Variants in NEGR1 observed in about 807,000 individuals in gnomAD.
The protein encoded by NEGR1 is neuronal growth regulator 1.
In NEGR1, 10 loss-of-function variants were observed where a neutral mutation model predicts 40.9. The observed-to-expected ratio is 0.24, with a 90% confidence interval of 0.15 to 0.42. The LOEUF is 0.42. NEGR1 is among the 10% of genes least tolerant of loss of function. The probability of loss-of-function intolerance (pLI) is 1.00; values close to 1 mark genes in which losing one functional copy is unlikely to be tolerated. For synonymous variants in NEGR1, 185 were observed against 166.8 expected (o/e 1.11, Z -0.84); for missense variants, 352 against 438.9 (o/e 0.80, Z 1.77).
intron 1 of NEGR1, among the ~76,000 whole-genome samples, chr1:71,987,671 T>G (rs1026331907): frequency 6.6e-6 from 1 of 152,176 alleles, no homozygotes; most frequent in African/African-American, 2.4e-5. Context: ...CAGCTACCAT[T>G]CAGCAGTAGG....
intron 6 of NEGR1, among the ~76,000 whole-genome samples, chr1:71,572,841 G>C (rs1648849343): frequency 6.6e-6 from 1 of 152,096 alleles, no homozygotes; most frequent in African/African-American, 2.4e-5. Context: ...CCTCCTTAAA[G>C]GGACCCTAGA....
At chr1:71,702,278 C>A (rs2101633146) in intron 3 of NEGR1, among the ~76,000 whole-genome samples, 1 of 152,100 alleles carries the variant, frequency 6.6e-6, no homozygotes, top group South Asian at 2.1e-4. Context: ...AAGATTGTTT[C>A]CCTTTCAAAG....
intron 6 of NEGR1, among the ~76,000 whole-genome samples, chr1:71,456,089 A>G (rs540325590): frequency 8.9e-4 from 136 of 152,206 alleles, no homozygotes; most frequent in Non-Finnish European, 1.3e-3. Context: ...CTATAGTTAA[A>G]TTAGATGACT....
chr1:72,096,198 G>C (rs1354805230), intron 1 of NEGR1, among the ~76,000 whole-genome samples: 1 of 151,992 alleles, frequency 6.6e-6, no homozygotes, highest in Non-Finnish European at 1.5e-5. Flanking sequence ...AGGTGAACAT[G>C]AACTTCATGT....
intron 2 of NEGR1, among the ~76,000 whole-genome samples, chr1:71,850,624 T>A (rs763030258): frequency 6.6e-6 from 1 of 152,214 alleles, no homozygotes; most frequent in Non-Finnish European, 1.5e-5. Flanking sequence ...GGCAGAATGA[T>A]GAGAAATTAT....
chr1:72,106,695 CCAT>C (rs1649146303), intron 1 of NEGR1, among the ~76,000 whole-genome samples: 1 of 151,788 alleles, frequency 6.6e-6, no homozygotes, highest in African/African-American at 2.4e-5. Context: ...AATAAGAAGT[CCAT>C]CAAACATTTC....
At chr1:72,278,137 GAGTATCAT>G (rs1298316742) in intron 1 of NEGR1, among the ~76,000 whole-genome samples, 4 of 152,122 alleles carry the variant, frequency 2.6e-5, no homozygotes, top group African/African-American at 4.8e-5. Flanking sequence ...TTCCGTATTA[GAGTATCAT>G]AGTAGGATAT....
chr1:72,079,277 A>AAACAACT (rs1647884428), intron 1 of NEGR1, among the ~76,000 whole-genome samples: 4 of 151,888 alleles, frequency 2.6e-5, no homozygotes, highest in Non-Finnish European at 5.9e-5. Context: ...GTTGCTTAAT[A>AAACAACT]ATCAGATCTA....
intron 2 of NEGR1, among the ~76,000 whole-genome samples, chr1:71,898,661 G>GC (rs1557692488): frequency 7.7e-6 from 1 of 130,386 alleles, no homozygotes; most frequent in East Asian, 2.0e-4. Flanking sequence ...AAACTGCTTT[G>GC]TTTTTTTTTC....
chr1:72,281,377 ACAGCATGGAAGTGC>A (rs1256308081), intron 1 of NEGR1, among the ~76,000 whole-genome samples: 5 of 152,178 alleles, frequency 3.3e-5, no homozygotes, highest in Admixed American at 6.5e-5. Context: ...AGTGGTTCTT[ACAGCATGGAAGTGC>A]CAGTGCATGT....
intron 6 of NEGR1, among the ~76,000 whole-genome samples, chr1:71,587,644 G>GTA (rs1294821237): frequency 1.0e-5 from 1 of 96,732 alleles, no homozygotes; most frequent in African/African-American, 3.9e-5. Flanking sequence ...GCATACACGA[G>GTA]TACACACACA....
At chr1:71,706,479 C>A (rs943638513) in intron 3 of NEGR1, among the ~76,000 whole-genome samples, 2 of 146,122 alleles carry the variant, frequency 1.4e-5, no homozygotes, top group Non-Finnish European at 3.0e-5. Flanking sequence ...GGGAGGCACA[C>A]AATATACTGA....
intron 2 of NEGR1, among the ~76,000 whole-genome samples, chr1:71,836,761 C>A (rs1659047729): frequency 1.3e-5 from 2 of 152,048 alleles, no homozygotes; most frequent in Non-Finnish European, 2.9e-5. Context: ...CAAAACCTAA[C>A]CATGATTCCT....
At chr1:71,872,722 C>A (rs949426430) in intron 2 of NEGR1, among the ~76,000 whole-genome samples, 1 of 152,166 alleles carries the variant, frequency 6.6e-6, no homozygotes, top group African/African-American at 2.4e-5. Flanking sequence ...AGGTTGGATT[C>A]ATTTCAAATT....
chr1:71,941,499 C>A (rs1570533573), intron 1 of NEGR1, among the ~76,000 whole-genome samples: 1 of 152,048 alleles, frequency 6.6e-6, no homozygotes, highest in Non-Finnish European at 1.5e-5. Flanking sequence ...TTCTCTTTTA[C>A]AACTACTCAG....
chr1:71,903,753 T>C (rs1661202538), intron 2 of NEGR1, among the ~76,000 whole-genome samples: 1 of 151,728 alleles, frequency 6.6e-6, no homozygotes, highest in South Asian at 2.1e-4. Context: ...ACATCCCTAA[T>C]ACATAGCCCT....
intron 6 of NEGR1, among the ~76,000 whole-genome samples, chr1:71,544,523 G>C (rs1326751438): frequency 6.6e-6 from 1 of 151,718 alleles, no homozygotes; most frequent in African/African-American, 2.4e-5. Flanking sequence ...CTTGCCTCAT[G>C]AGGTGATTGT....
intron 3 of NEGR1, among the ~76,000 whole-genome samples, chr1:71,769,676 G>A (rs1656248317): frequency 6.6e-6 from 1 of 152,114 alleles, no homozygotes; most frequent in Non-Finnish European, 1.5e-5. Context: ...TAAGTTTCCT[G>A]AGGCCTCCCC....
At chr1:71,602,804 C>A (rs1649967319) in intron 5 of NEGR1, among the ~76,000 whole-genome samples, 1 of 152,116 alleles carries the variant, frequency 6.6e-6, no homozygotes, top group Non-Finnish European at 1.5e-5. Flanking sequence ...GGAGGTGGCC[C>A]ACTTTCATCT....
Sources: allele counts gnomAD v4.1 joint callset (sites outside exome capture counted in the v4.1 genomes callset), GRCh38; gene constraint gnomAD v4.1.1; transcripts MANE v1.5; gene names NCBI Gene and HGNC (gene_info 2026-07-23, HGNC 2026-07-21).